The following PRKAB2 variants were observed in gnomAD, a reference collection of about 807,000 sequenced individuals.
PRKAB2 encodes 5'-AMP-activated protein kinase subunit beta-2.
PRKAB2 carries 18 observed loss-of-function variants against 29.8 expected under a neutral mutation model. The ratio of observed to expected loss-of-function variants is 0.60; its 90% CI spans 0.42 to 0.89. The LOEUF (loss-of-function observed/expected upper bound fraction) is 0.89. PRKAB2 is among the 40% of genes least tolerant of loss of function. The pLI is 0.00. For synonymous variants in PRKAB2, 136 were observed against 125.9 expected (o/e 1.08, Z -0.54); for missense variants, 270 against 344.3 (o/e 0.78, Z 1.71).
chr1:147,172,188 G>A (rs1553914563), intron 1 of PRKAB2, 21 bp from the exon 2 acceptor site: 6 of 1,510,222 alleles, frequency 4.0e-6, no homozygotes, highest in Middle Eastern at 2.4e-4. Context: ...GAACGACACC[G>A]GGCTGGGAAC....
At position 147,167,809 on chromosome 1, in the gene PRKAB2, C is replaced by A. The variant is rs1217293914; in HGVS notation, c.281G>T (p.Gly94Val). 1.9e-6 allele frequency: 3 copies of A among 1,613,910 alleles called. No homozygotes were observed. Among genetic ancestry groups the A allele is most frequent in the Admixed American group, 1.7e-5 (1 of 59,996 alleles). ...SEGGKEVFIS[G>V]SFNNWSTKIP... ...CTTGGTGCTCCAATTGTTGAAGGAC[C>A]CAGAGATGAAGACCTCCTTGCCTCC... The change falls in exon 3 of 8, where the codon GGG becomes GTG. Residue 94 changes from glycine (G) to valine (V), a missense_variant. By Grantham distance (109) the Gly-to-Val change is moderately radical (BLOSUM62 -3). Transcript: ENST00000254101.
In PRKAB2 at chr1:147,158,262, ATTT is replaced by A. The variant is rs2101611886; in HGVS notation, c.*1300_*1302del. ...AAAGAAGAGGCAGGAGAACAAAATG[ATTT>A]TGTTAACATTTGGTGCAAAGAATGA... On this transcript the variant is annotated 3_prime_UTR_variant, in exon 8 of 8. Coordinates refer to ENST00000254101, the MANE Select transcript of PRKAB2 (RefSeq NM_005399.5). The A allele has an allele frequency of 6.6e-6, 1 of 152,254 alleles. No individual in the cohort carries two copies. The highest frequency in any genetic ancestry group is 2.4e-5 in the African/African-American group (1 of 41,554). 9.4% of individuals were successfully genotyped at this position (152,254 alleles called of 1,614,324 possible).
rs781869817 is a variant in PRKAB2 at position 147,155,360 on chromosome 1, T to C, written c.*4205A>G. The C allele has an allele frequency of 6.6e-6, 1 of 152,564 alleles. No individual in the cohort carries two copies. The highest frequency in any genetic ancestry group is 1.5e-5 in the Non-Finnish European group (1 of 68,022). The allele number at this position is 152,564 out of a possible 1,614,324, so 9.5% of individuals were successfully genotyped here. ...TATTTAATTCCCTTCAAAGTAGTCT[T>C]ATCTCTCCTTTCTGACAGACACAGA... On this transcript the variant is annotated 3_prime_UTR_variant, in exon 8 of 8. Coordinates refer to ENST00000254101, the MANE Select transcript of PRKAB2 (RefSeq NM_005399.5).
At chr1:147,160,624 G>A (rs374140466) in intron 7 of PRKAB2, among the ~76,000 whole-genome samples, 99 of 152,182 alleles carry the variant, frequency 6.5e-4, no homozygotes, top group African/African-American at 2.2e-3. Context: ...GCCTAAATAC[G>A]ACAGAAGCAA....
chr1:147,162,143 C>A (rs1040472847), intron 6 of PRKAB2, among the ~76,000 whole-genome samples: 3 of 152,116 alleles, frequency 2.0e-5, no homozygotes, highest in East Asian at 3.9e-4. Flanking sequence ...AAAAAGCTTT[C>A]ATAGTTCTTT....
rs1243951866 is a variant in PRKAB2 at position 147,172,434 on chromosome 1, G to A, written c.-29C>T. On this transcript the variant is annotated 5_prime_UTR_variant, in exon 1 of 8. Coordinates refer to ENST00000254101, the MANE Select transcript of PRKAB2 (RefSeq NM_005399.5). Reference sequence around the variant, plus strand: ...GGCGCCCCCACTCCAGTCACCTCGGGCGATGCGCTCCCTCCTCCAAGGGCC... The same window carrying A: ...GGCGCCCCCACTCCAGTCACCTCGGACGATGCGCTCCCTCCTCCAAGGGCC... 1.0e-5 allele frequency: 5 copies of A among 497,974 alleles called. No individual in the cohort carries two copies. In the African/African-American group the frequency reaches 1.0e-4, roughly 10 times the overall value. The allele number at this position is 497,974 out of a possible 1,614,324, so 30.8% of individuals were successfully genotyped here.
In PRKAB2 at chr1:147,172,021, C is replaced by G. The variant is rs920476994; in HGVS notation, c.124G>C (p.Asp42His). The change falls in exon 2 of 8, where the codon GAC becomes CAC. Residue 42 changes from aspartate (D) to histidine (H), a missense_variant. Transcript: ENST00000254101. Reference protein sequence around the residue: ...EHKIMVGSTDDPSVFSLPDSK... With the variant: ...EHKIMVGSTDHPSVFSLPDSK... ...TCAGGGAGGCTGAACACGCTGGGGT[C>G]GTCCGTACTCCCCACCATGATCTTG... 4.4e-6 allele frequency: 7 copies of G among 1,598,382 alleles called. No individual in the cohort carries two copies. The highest frequency in any genetic ancestry group is 1.3e-5 in the African/African-American group (1 of 74,558).
chr1:147,172,229 G>C, intron 1 of PRKAB2, 62 bp from the exon 2 acceptor site: 1 of 1,441,978 alleles, frequency 6.9e-7, no homozygotes, highest in Non-Finnish European at 9.1e-7. Flanking sequence ...GGCGCCCCCC[G>C]GCCCCGCCCC....
At chr1:147,163,810 T>C (rs1244202022) in intron 5 of PRKAB2, among the ~76,000 whole-genome samples, 2 of 152,060 alleles carry the variant, frequency 1.3e-5, no homozygotes, top group East Asian at 3.8e-4. Flanking sequence ...ATTACTGAGT[T>C]GTACAATTTA....
chr1:147,167,799 G>A lies in PRKAB2; in HGVS notation c.291C>T (p.Asn97=). Reference sequence around the variant, plus strand: ...TCAGTGGAATCTTGGTGCTCCAATTGTTGAAGGACCCAGAGATGAAGACCT... The same window carrying A: ...TCAGTGGAATCTTGGTGCTCCAATTATTGAAGGACCCAGAGATGAAGACCT... ...GKEVFISGSF[N]NWSTKIPLIK... Residue 97 remains asparagine (N), a synonymous_variant, in exon 3 of 8, where the codon AAC becomes AAT. Coordinates refer to ENST00000254101, the MANE Select transcript of PRKAB2 (RefSeq NM_005399.5). 1 of 1,613,962 alleles carries A rather than the reference G, an allele frequency of 6.2e-7. No homozygotes were observed. Among genetic ancestry groups the A allele is most frequent in the Non-Finnish European group, 8.5e-7 (1 of 1,179,924 alleles).
At position 147,155,247 on chromosome 1, in the gene PRKAB2, T is replaced by A. The variant is rs1653618676; in HGVS notation, c.*4318A>T. 6.6e-6 allele frequency: 1 copy of A among 152,592 alleles called. No homozygotes were observed. 9.5% of individuals were successfully genotyped at this position (152,592 alleles called of 1,614,324 possible). On this transcript the variant is annotated 3_prime_UTR_variant, in exon 8 of 8. Transcript: ENST00000254101. ...AGAACAGCTTTAAAATCCACTCTTG[T>A]CTGCCACTCCTTTATGAAATATTGA...
chr1:147,166,643 AT>A, intron 4 of PRKAB2, 25 bp from the exon 5 acceptor site: 1 of 1,607,452 alleles, frequency 6.2e-7, no homozygotes, highest in South Asian at 1.1e-5. Context: ...AGAAAAAATT[AT>A]TGAATCTCTC....
At chr1:147,170,208 G>A (rs112923104) in intron 2 of PRKAB2, among the ~76,000 whole-genome samples, 6,245 of 152,188 alleles carry the variant, frequency 0.041, 414 homozygotes, top group African/African-American at 0.14. Flanking sequence ...AGACTTAAAT[G>A]AGACCTTAGG....
chr1:147,161,812 A>G, intron 6 of PRKAB2, 32 bp from the exon 7 acceptor site: 1 of 1,534,302 alleles, frequency 6.5e-7, no homozygotes, highest in Non-Finnish European at 8.9e-7. Context: ...TACTAAAAAA[A>G]TTACTAAATG....
chr1:147,158,885 T>A lies in PRKAB2; in HGVS notation c.*680A>T, dbSNP rs1270157078. ...AAAGGAGACCTTCTGATAGCCCTAG[T>A]GTCTGGGGTGGGTCAGGTGCCACAA... On this transcript the variant is annotated 3_prime_UTR_variant, in exon 8 of 8. Coordinates refer to ENST00000254101, the MANE Select transcript of PRKAB2 (RefSeq NM_005399.5). 1 of 152,162 alleles carries A rather than the reference T, an allele frequency of 6.6e-6. No homozygotes were observed. Among genetic ancestry groups the A allele is most frequent in the Non-Finnish European group, 1.5e-5 (1 of 68,036 alleles). The allele number at this position is 152,162 out of a possible 1,614,324, so 9.4% of individuals were successfully genotyped here.
In PRKAB2 at chr1:147,162,437, C is replaced by T. The variant is rs368092052; in HGVS notation, c.672+3G>A. ...ATGCCCCAGTAATACTCAGGATACT[C>T]ACAGAAATATTAGTGTCTTTGTTAA... On this transcript the variant is annotated splice_donor_region_variant and intron_variant, in intron 6 of 7. Transcript: ENST00000254101. The T allele has an allele frequency of 6.2e-7, 1 of 1,610,916 alleles. No individual in the cohort carries two copies. The highest frequency in any genetic ancestry group is 1.3e-5 in the African/African-American group (1 of 74,802).
At chr1:147,167,255 A>G (rs1027157835) in intron 3 of PRKAB2, among the ~76,000 whole-genome samples, 16 of 152,160 alleles carry the variant, frequency 1.1e-4, no homozygotes, top group African/African-American at 3.9e-4. Context: ...ACCAGTGCAA[A>G]TAAGATAGGT....
intron 2 of PRKAB2, among the ~76,000 whole-genome samples, chr1:147,169,410 G>A (rs1185632514): frequency 6.6e-6 from 1 of 152,124 alleles, no homozygotes; most frequent in African/African-American, 2.4e-5. Context: ...TTGACTAACT[G>A]GCTGCGTTAG....
At position 147,157,703 on chromosome 1, in the gene PRKAB2, G is replaced by A. The variant is rs908744598; in HGVS notation, c.*1862C>T. On this transcript the variant is annotated 3_prime_UTR_variant, in exon 8 of 8. Coordinates refer to ENST00000254101, the MANE Select transcript of PRKAB2 (RefSeq NM_005399.5). Reference sequence around the variant, plus strand: ...CAAAATTCTAGTACAACTGAAGGCTGTAAATCCTGAGAGTTGGTTATAATA... The same window carrying A: ...CAAAATTCTAGTACAACTGAAGGCTATAAATCCTGAGAGTTGGTTATAATA... 3 of 152,158 alleles carry A rather than the reference G, an allele frequency of 2.0e-5. No individual in the cohort carries two copies. Among genetic ancestry groups the A allele is most frequent in the Admixed American group, 2.0e-4 (3 of 15,278 alleles). 9.4% of individuals were successfully genotyped at this position (152,158 alleles called of 1,614,324 possible). A position where few individuals can be genotyped will look rare whatever the true frequency, so the allele number is the denominator to read the frequency against.
Sources: allele counts gnomAD v4.1 joint callset (sites outside exome capture counted in the v4.1 genomes callset), GRCh38; gene constraint gnomAD v4.1.1; transcripts MANE v1.5; gene names NCBI Gene and HGNC (gene_info 2026-07-23, HGNC 2026-07-21).